The following HDAC4 variants were observed in gnomAD, a reference collection of about 807,000 sequenced individuals.
The protein encoded by HDAC4 is histone deacetylase 4.
A neutral mutation model predicts 135.1 loss-of-function variants in HDAC4; 16 were observed. That is an observed-to-expected ratio of 0.12 (90% CI 0.08 to 0.18). The LOEUF is 0.18. HDAC4 is among the 10% of genes least tolerant of loss of function. The pLI is 1.00. For missense variants in HDAC4, 1,143 were observed against 1,511.8 expected (o/e 0.76, Z 4.05); for synonymous variants, 685 against 653.4 (o/e 1.05, Z -0.74).
intron 3 of HDAC4, among the ~76,000 whole-genome samples, chr2:239,196,651 T>C (rs1207238131): frequency 6.6e-6 from 1 of 152,126 alleles, no homozygotes; most frequent in African/African-American, 2.4e-5. Context: ...GTACACCCCG[T>C]CTAACATCTG....
intron 6 of HDAC4, among the ~76,000 whole-genome samples, chr2:239,162,586 C>T (rs1051025412): frequency 2.6e-5 from 4 of 152,248 alleles, no homozygotes; most frequent in Non-Finnish European, 5.9e-5. Flanking sequence ...AAGCCACCTC[C>T]TCTCTCAGGT....
At chr2:239,364,487 G>T (rs781192009) in intron 1 of HDAC4, among the ~76,000 whole-genome samples, 3 of 152,194 alleles carry the variant, frequency 2.0e-5, no homozygotes, top group Non-Finnish European at 4.4e-5. Flanking sequence ...ACACTAATCC[G>T]AGGTGGGAGA....
chr2:239,277,068 G>A (rs776464057), intron 2 of HDAC4, among the ~76,000 whole-genome samples: 7 of 149,038 alleles, frequency 4.7e-5, no homozygotes, highest in South Asian at 2.2e-4. Flanking sequence ...GACTCTGCAC[G>A]GCACTAATAT....
intron 3 of HDAC4, among the ~76,000 whole-genome samples, chr2:239,218,143 G>A (rs913086107): frequency 1.3e-5 from 2 of 149,894 alleles, no homozygotes; most frequent in African/African-American, 2.4e-5. Flanking sequence ...AATTTTAGGA[G>A]AAATATGTCC....
intron 2 of HDAC4, among the ~76,000 whole-genome samples, chr2:239,330,749 T>C (rs1017912641): frequency 3.3e-5 from 5 of 152,230 alleles, no homozygotes; most frequent in Admixed American, 6.5e-5. Flanking sequence ...TACTAGACTA[T>C]CTGTAATTCA....
intron 7 of HDAC4, among the ~76,000 whole-genome samples, chr2:239,149,322 C>G (rs920273428): frequency 6.6e-6 from 1 of 151,484 alleles, no homozygotes; most frequent in Non-Finnish European, 1.5e-5. Flanking sequence ...ATCCCCTGAA[C>G]CCAGGAGGCG....
rs371636799 is a variant in HDAC4, at chr2:239,307,523, G to A, written c.22+45155C>T. ...GATACGAGGGCCCAGTGGTCACTAA[G>A]GCCCATCTCTGCAGCTCCGTCCTCT... is the stretch of plus-strand genomic sequence containing the variant. On this transcript the variant is annotated intron_variant, in intron 2 of 26. Transcript: ENST00000543185. This position sits in a 1 kb window ranked among gnomAD's most constrained non-coding sequence, Gnocchi z 4.8. Among the ~76,000 whole-genome samples, 12 of 152,258 alleles carry A rather than the reference G, an allele frequency of 7.9e-5. No individual in the cohort carries two copies. In the East Asian group the frequency reaches 1.2e-3, roughly 15 times the overall value.
chr2:239,056,261 G>A (rs2031826502), intron 24 of HDAC4, among the ~76,000 whole-genome samples: 1 of 152,224 alleles, frequency 6.6e-6, no homozygotes, highest in South Asian at 2.1e-4. Flanking sequence ...CACGAGCCTG[G>A]GTCAGGAGGG....
intron 2 of HDAC4, among the ~76,000 whole-genome samples, chr2:239,278,629 G>A (rs1032140764): frequency 6.6e-6 from 1 of 152,194 alleles, no homozygotes; most frequent in African/African-American, 2.4e-5. Flanking sequence ...GCGAGATCAT[G>A]CCACTGTACT....
chr2:239,107,850 C>T (rs1300952926), intron 15 of HDAC4, among the ~76,000 whole-genome samples, 200 bp downstream of exon 15: 4 of 152,240 alleles, frequency 2.6e-5, no homozygotes, highest in Admixed American at 2.0e-4. Flanking sequence ...GTACGGGACT[C>T]CAGGGAGACA....
intron 2 of HDAC4, among the ~76,000 whole-genome samples, chr2:239,272,203 A>C (rs1275674807): frequency 6.6e-6 from 1 of 152,238 alleles, no homozygotes; most frequent in East Asian, 1.9e-4. Flanking sequence ...AACAGAAGCC[A>C]AAAGCCAGGA....
chr2:239,326,838 C>T (rs773776297), intron 2 of HDAC4, among the ~76,000 whole-genome samples: 12 of 152,214 alleles, frequency 7.9e-5, no homozygotes, highest in Non-Finnish European at 1.3e-4. Context: ...CCACATCCAC[C>T]GCACCTGAGG....
At chr2:239,344,034 T>G (rs1410720101) in intron 2 of HDAC4, among the ~76,000 whole-genome samples, 2 of 152,152 alleles carry the variant, frequency 1.3e-5, no homozygotes, top group Non-Finnish European at 2.9e-5. Context: ...AGCAAGCAAG[T>G]CATCAAGGCT....
chr2:239,053,400 T>C (rs2106388680), intron 26 of HDAC4, 60 bp downstream of exon 26: 1 of 1,588,788 alleles, frequency 6.3e-7, no homozygotes, highest in Non-Finnish European at 8.6e-7. Flanking sequence ...CTGAATAGTG[T>C]GTCAGTGGGC....
intron 24 of HDAC4, among the ~76,000 whole-genome samples, chr2:239,055,716 CAAAAAA>C (rs201658364): frequency 1.4e-5 from 1 of 71,056 alleles, no homozygotes; most frequent in African/African-American, 4.6e-5. Context: ...GACCCTGTCT[CAAAAAA>C]AAAAAAAAAA....
rs748089502 is a variant in HDAC4, at chr2:239,164,619, A to T, written c.491-696T>A. ...CGGAGGCTGCTCGCCTCAGATCTCC[A>T]ATCTAACCACACAGTACTTCTATCC... On this transcript the variant is annotated intron_variant, in intron 5 of 26. Coordinates refer to ENST00000543185, the MANE Select transcript of HDAC4 (RefSeq NM_001378414.1). 5.6e-4 allele frequency among the ~76,000 whole-genome samples: 85 copies of T among 152,380 alleles called. No individual in the cohort carries two copies. The Middle Eastern group carries it at 0.014, about 24-fold the overall frequency.
At chr2:239,180,816 G>C (rs955446663) in intron 4 of HDAC4, among the ~76,000 whole-genome samples, 1 of 152,204 alleles carries the variant, frequency 6.6e-6, no homozygotes, top group Non-Finnish European at 1.5e-5. Context: ...CTGCCCCATT[G>C]CAGTGACCCC....
At chr2:239,251,958 T>C (rs1419861393) in intron 2 of HDAC4, among the ~76,000 whole-genome samples, 6 of 152,238 alleles carry the variant, frequency 3.9e-5, no homozygotes, top group Non-Finnish European at 1.5e-5. Flanking sequence ...TATTCCTTTT[T>C]ATACAACAGA....
At chr2:239,264,557 G>C (rs1299240834) in intron 2 of HDAC4, among the ~76,000 whole-genome samples, 1 of 152,244 alleles carries the variant, frequency 6.6e-6, no homozygotes, top group Non-Finnish European at 1.5e-5. Flanking sequence ...GCTTGGGTGA[G>C]CCGAGGCCCT....
Sources: gnomAD v4.1 joint callset for allele counts (sites outside exome capture counted in the v4.1 genomes callset) on GRCh38, gnomAD v4.1.1 for gene constraint, Gnocchi (gnomAD v3.1) non-coding constraint, MANE v1.5 for transcripts, NCBI Gene and HGNC (gene_info 2026-07-23, HGNC 2026-07-21) for gene names.